The following RAB27A variants were observed in gnomAD, a reference collection of about 807,000 sequenced individuals.
RAB27A encodes the protein RAB27A, member RAS oncogene family, also known as ras-related protein Rab-27A.
In RAB27A, 17 loss-of-function variants were observed where a neutral mutation model predicts 20.8. The ratio of observed to expected loss-of-function variants is 0.82; its 90% confidence interval spans 0.56 to 1.23. RAB27A has a LOEUF of 1.23. RAB27A is among the 50% of genes most tolerant of loss of function. The pLI is 0.00. For missense variants in RAB27A, 277 were observed against 266.7 expected (o/e 1.04, Z -0.27); for synonymous variants, 85 against 92.8 (o/e 0.92, Z 0.48).
intron 2 of RAB27A, among the ~76,000 whole-genome samples, chr15:55,267,815 G>C (rs1053643267): frequency 6.6e-6 from 1 of 152,186 alleles, no homozygotes; most frequent in Non-Finnish European, 1.5e-5. Flanking sequence ...GTCCAGAGAG[G>C]GCGGAAGCTG....
At chr15:55,251,848 G>A (rs1031922789) in intron 2 of RAB27A, among the ~76,000 whole-genome samples, 10 of 152,114 alleles carry the variant, frequency 6.6e-5, no homozygotes, top group African/African-American at 2.4e-4. Context: ...TAATGTCTGT[G>A]TCATGAGGAG....
chr15:55,312,273 A>T (rs1013971244), intron 2 of RAB27A, among the ~76,000 whole-genome samples: 1 of 152,252 alleles, frequency 6.6e-6, no homozygotes, highest in African/African-American at 2.4e-5. Flanking sequence ...GCAAAAGCTC[A>T]GCTGGAGCCG....
chr15:55,223,860 T>C, intron 6 of RAB27A, 29 bp downstream of exon 6: 3 of 1,611,146 alleles, frequency 1.9e-6, no homozygotes, highest in Non-Finnish European at 2.5e-6. Flanking sequence ...GAAAATGTTT[T>C]CTCTAGACTT....
intron 1 of RAB27A, among the ~76,000 whole-genome samples, chr15:55,272,378 GAC>G (rs1287940237): frequency 6.6e-6 from 1 of 152,168 alleles, no homozygotes; most frequent in Non-Finnish European, 1.5e-5. Context: ...CAGCTTGGGT[GAC>G]AGAGTGAGAC....
At chr15:55,224,807 C>T (rs546843711) in intron 5 of RAB27A, among the ~76,000 whole-genome samples, 3 of 152,222 alleles carry the variant, frequency 2.0e-5, no homozygotes, top group Non-Finnish European at 4.4e-5. Context: ...CACAGTAAGA[C>T]ATACTTCAGA....
intron 1 of RAB27A, among the ~76,000 whole-genome samples, chr15:55,271,383 C>G (rs1328948373): frequency 1.3e-5 from 2 of 152,190 alleles, no homozygotes; most frequent in Non-Finnish European, 2.9e-5. Context: ...CATTCTTGGG[C>G]CCACCCAGCT....
chr15:55,266,966 T>C (rs1345278613), intron 2 of RAB27A, among the ~76,000 whole-genome samples: 2 of 152,092 alleles, frequency 1.3e-5, no homozygotes, highest in African/African-American at 2.4e-5. Flanking sequence ...CCTTAGGCCA[T>C]GGGAAAAATG....
intron 1 of RAB27A, among the ~76,000 whole-genome samples, chr15:55,272,044 G>T (rs1335575650): frequency 6.6e-6 from 1 of 152,134 alleles, no homozygotes. Context: ...AATGTATCCA[G>T]ATTTTTAAAT....
intron 2 of RAB27A, among the ~76,000 whole-genome samples, chr15:55,264,568 C>A (rs1462195694): frequency 2.6e-5 from 4 of 152,128 alleles, no homozygotes; most frequent in Non-Finnish European, 5.9e-5. Context: ...GTGTTCACAA[C>A]ACATAGGAAA....
intron 2 of RAB27A, among the ~76,000 whole-genome samples, chr15:55,301,315 A>C (rs1870908114): frequency 6.6e-6 from 1 of 152,228 alleles, no homozygotes; most frequent in African/African-American, 2.4e-5. Flanking sequence ...AATGTCATTT[A>C]AAATGACAAT....
At chr15:55,222,470 T>C (rs532170028) in intron 6 of RAB27A, among the ~76,000 whole-genome samples, 1 of 152,274 alleles carries the variant, frequency 6.6e-6, no homozygotes, top group African/African-American at 2.4e-5. Context: ...CTATAGCCTA[T>C]AGACTGATCT....
chr15:55,214,579 C>T (rs1335612403), intron 6 of RAB27A, among the ~76,000 whole-genome samples: 1 of 152,214 alleles, frequency 6.6e-6, no homozygotes, highest in Non-Finnish European at 1.5e-5. Context: ...TATTTCCTGA[C>T]TCTAAAATAT....
chr15:55,237,172 C>T lies in RAB27A; in HGVS notation c.-22-2216G>A, dbSNP rs539345663. 8 of 152,322 alleles carry T rather than the reference C, an allele frequency of 5.3e-5. No homozygotes were observed. In the South Asian group the frequency reaches 1.7e-3, roughly 32 times the overall value. The allele number at this position is 152,322 out of a possible 1,614,324, so 9.4% of individuals were successfully genotyped here. The stretch of plus-strand genomic sequence containing the variant: ...GCGTTATCCCCTTTTTACCCAGCAC[C>T]ATATCCAGAAACTTGGCTGCCATAT... On this transcript the variant is annotated intron_variant, in intron 2 of 6. Coordinates refer to ENST00000336787, the MANE Select transcript of RAB27A (RefSeq NM_183235.3).
intron 2 of RAB27A, among the ~76,000 whole-genome samples, chr15:55,295,599 G>A (rs1452208413): frequency 6.6e-6 from 1 of 152,150 alleles, no homozygotes; most frequent in African/African-American, 2.4e-5. Flanking sequence ...AAACACAGAA[G>A]GTCACATATT....
intron 6 of RAB27A, among the ~76,000 whole-genome samples, chr15:55,219,322 T>C (rs1211791723): frequency 2.6e-5 from 4 of 152,224 alleles, no homozygotes; most frequent in Admixed American, 2.6e-4. Context: ...TGAGAAGTCA[T>C]TGAGCATATT....
chr15:55,237,752 C>A (rs1896318569), intron 2 of RAB27A, among the ~76,000 whole-genome samples: 1 of 152,092 alleles, frequency 6.6e-6, no homozygotes, highest in Non-Finnish European at 1.5e-5. Context: ...ACCGATCCTG[C>A]AGTGAGAATG....
At chr15:55,315,467 G>C (rs1438102110) in intron 1 of RAB27A, among the ~76,000 whole-genome samples, 4 of 152,120 alleles carry the variant, frequency 2.6e-5, no homozygotes, top group Non-Finnish European at 5.9e-5. Context: ...AGAGTGAACA[G>C]GCAACCTACA....
rs552333587 is a variant in RAB27A, at chr15:55,235,168, G to A, written c.-22-212C>T. Among the ~76,000 whole-genome samples, 11 of 152,258 alleles carry A rather than the reference G, an allele frequency of 7.2e-5. No individual in the cohort carries two copies. In the South Asian group the frequency reaches 1.9e-3, roughly 26 times the overall value. ...AGCTATTGAAATAGTAATTAACAGT[G>A]TAGTTTTAATTTAACACACAGGTAA... On this transcript the variant is annotated intron_variant, in intron 2 of 6. Coordinates refer to ENST00000336787, the MANE Select transcript of RAB27A (RefSeq NM_183235.3).
chr15:55,217,520 C>T (rs1184257219), intron 6 of RAB27A, among the ~76,000 whole-genome samples: 2 of 151,598 alleles, frequency 1.3e-5, no homozygotes, highest in African/African-American at 2.4e-5. Context: ...TAAAAATTAG[C>T]TGGGCACAGT....
Sources: gnomAD v4.1 joint callset for allele counts (sites outside exome capture counted in the v4.1 genomes callset) on GRCh38, gnomAD v4.1.1 for gene constraint, MANE v1.5 for transcripts, NCBI Gene and HGNC (gene_info 2026-07-23, HGNC 2026-07-21) for gene names.